The following NDFIP1 variants were observed in gnomAD, a reference collection of about 807,000 sequenced individuals.
NDFIP1 encodes Nedd4 family interacting protein 1.
NDFIP1 carries 7 observed loss-of-function variants against 28.8 expected under a neutral mutation model. The ratio of observed to expected loss-of-function variants is 0.24; its 90% CI spans 0.14 to 0.46. The LOEUF is 0.46. NDFIP1 is among the 20% of genes least tolerant of loss of function. NDFIP1 has a pLI of 0.99. For missense variants in NDFIP1, 194 were observed against 269.1 expected (o/e 0.72, Z 1.95); for synonymous variants, 92 against 101.0 (o/e 0.91, Z 0.53).
intron 7 of NDFIP1, among the ~76,000 whole-genome samples, chr5:142,145,558 A>G (rs1382576551): frequency 6.6e-5 from 10 of 152,068 alleles, no homozygotes; most frequent in Non-Finnish European, 1.3e-4. Flanking sequence ...ATTATAAAGG[A>G]TAGGTGGTGT....
At chr5:142,115,985 G>A (rs1757063324) in intron 1 of NDFIP1, among the ~76,000 whole-genome samples, 1 of 152,158 alleles carries the variant, frequency 6.6e-6, no homozygotes, top group African/African-American at 2.4e-5. Flanking sequence ...AGTACATGAG[G>A]TAGGTTATGT....
At chr5:142,129,598 C>T (rs1757205242) in intron 1 of NDFIP1, among the ~76,000 whole-genome samples, 1 of 152,044 alleles carries the variant, frequency 6.6e-6, no homozygotes, top group African/African-American at 2.4e-5. Flanking sequence ...TTTTGAACAG[C>T]ATAGTGAGTG....
rs1457608563 is a variant in NDFIP1, at chr5:142,153,426, A to G, written c.*1698A>G. On this transcript the variant is annotated 3_prime_UTR_variant, in exon 8 of 8. Transcript: ENST00000253814. Reference sequence around the variant, plus strand: ...AGGAAGTCGTTCAGGATATCAGTATATAATGCACAGAAGTGTGGGTTGTTT... The same window carrying G: ...AGGAAGTCGTTCAGGATATCAGTATGTAATGCACAGAAGTGTGGGTTGTTT... 1.1e-5 allele frequency: 5 copies of G among 457,050 alleles called. No homozygotes were observed. The highest frequency in any genetic ancestry group is 9.4e-5 in the Admixed American group (4 of 42,566). The allele number at this position is 457,050 out of a possible 1,614,324, so 28.3% of individuals were successfully genotyped here.
chr5:142,137,473 G>A (rs1757288436), intron 4 of NDFIP1, among the ~76,000 whole-genome samples: 1 of 152,200 alleles, frequency 6.6e-6, no homozygotes, highest in Non-Finnish European at 1.5e-5. Flanking sequence ...GTGAGCTATT[G>A]TGCTCAGCCT....
chr5:142,110,207 C>A (rs961713578), intron 1 of NDFIP1, among the ~76,000 whole-genome samples: 7 of 152,174 alleles, frequency 4.6e-5, no homozygotes, highest in African/African-American at 7.2e-5. Flanking sequence ...AATTTCACTT[C>A]TTGGTTTTAT....
intron 7 of NDFIP1, among the ~76,000 whole-genome samples, chr5:142,145,574 A>G (rs1196417429): frequency 6.6e-6 from 1 of 152,148 alleles, no homozygotes; most frequent in Non-Finnish European, 1.5e-5. Context: ...GGTGTAGTTC[A>G]GATAAACTTT....
Position 142,108,982 on chromosome 5 carries a change from TG to T in NDFIP1, c.10del (p.Ala4ArgfsTer66). On this transcript the variant is annotated frameshift_variant, in exon 1 of 8. Coordinates refer to ENST00000253814, the MANE Select transcript of NDFIP1 (RefSeq NM_030571.4). LOFTEE classifies it high-confidence loss of function. Reference protein sequence around the residue: MALALAALAAVEP... With the variant: MAXALAALAAVEP... ...CCTGCTGCCGGCTGCGCCATGGCGT[TG>T]GCGTTGGCGGCGCTGGCGGCGGTCG... 1 of 1,446,748 alleles carries T rather than the reference TG, an allele frequency of 6.9e-7. No individual in the cohort carries two copies. Among genetic ancestry groups the T allele is most frequent in the Non-Finnish European group, 9.1e-7 (1 of 1,103,200 alleles). 89.6% of individuals were successfully genotyped at this position (1,446,748 alleles called of 1,614,324 possible). A position where few individuals can be genotyped will look rare whatever the true frequency, so the allele number is the denominator to read the frequency against.
intron 1 of NDFIP1, among the ~76,000 whole-genome samples, chr5:142,115,625 T>G (rs1290574545): frequency 6.6e-6 from 1 of 152,222 alleles, no homozygotes; most frequent in Non-Finnish European, 1.5e-5. Context: ...AAAGCAACTT[T>G]AATACTTCTG....
At chr5:142,109,554 A>G (rs1010252460) in intron 1 of NDFIP1, among the ~76,000 whole-genome samples, 2 of 152,282 alleles carry the variant, frequency 1.3e-5, no homozygotes, top group Non-Finnish European at 2.9e-5. Flanking sequence ...AGACAAAAGT[A>G]AAAAATGAAG....
chr5:142,150,291 T>G (rs990759078), intron 7 of NDFIP1, among the ~76,000 whole-genome samples: 1 of 151,998 alleles, frequency 6.6e-6, no homozygotes, highest in Admixed American at 6.6e-5. Context: ...CTGCCAATTT[T>G]CTTTTTTGCT....
chr5:142,132,105 A>G (rs1757233786), intron 2 of NDFIP1, 107 bp from the exon 3 acceptor site: 2 of 1,327,298 alleles, frequency 1.5e-6, no homozygotes, highest in Admixed American at 2.4e-5. Context: ...ATTGTTATGT[A>G]TGTACTCTTA....
rs1004927324 is a variant in NDFIP1 at position 142,152,724 on chromosome 5, A to G, written c.*996A>G. 2 of 157,336 alleles carry G rather than the reference A, an allele frequency of 1.3e-5. No individual in the cohort carries two copies. Among genetic ancestry groups the G allele is most frequent in the African/African-American group, 2.4e-5 (1 of 41,472 alleles). 9.7% of individuals were successfully genotyped at this position (157,336 alleles called of 1,614,324 possible). A position where few individuals can be genotyped will look rare whatever the true frequency, so the allele number is the denominator to read the frequency against. On this transcript the variant is annotated 3_prime_UTR_variant, in exon 8 of 8. Coordinates refer to ENST00000253814, the MANE Select transcript of NDFIP1 (RefSeq NM_030571.4). ...AAGTGGTAATTCATCTTGGTTTGCTATGTTAAAACTGTAAATACAACAGAA... is the reference window on the plus strand; with the variant it reads ...AAGTGGTAATTCATCTTGGTTTGCTGTGTTAAAACTGTAAATACAACAGAA...
At chr5:142,132,467 C>A in intron 3 of NDFIP1, 125 bp downstream of exon 3, 1 of 1,231,880 alleles carries the variant, frequency 8.1e-7, no homozygotes, top group Non-Finnish European at 1.1e-6. Flanking sequence ...TTTTAAAAAT[C>A]AGGTACATTT....
chr5:142,136,755 CAAAAAAA>C (rs33932095), intron 4 of NDFIP1, among the ~76,000 whole-genome samples: 1 of 76,452 alleles, frequency 1.3e-5, no homozygotes. Context: ...GACTTCGTCT[CAAAAAAA>C]AAAAAAAAAA....
chr5:142,144,798 C>G, intron 7 of NDFIP1, 122 bp downstream of exon 7: 3 of 561,750 alleles, frequency 5.3e-6, no homozygotes, highest in Non-Finnish European at 9.4e-6. Flanking sequence ...AAGGCACAGT[C>G]CCTGCCTTTT....
chr5:142,135,657 A>G (rs1390383251), intron 3 of NDFIP1, 73 bp from the exon 4 acceptor site: 1 of 1,298,088 alleles, frequency 7.7e-7, no homozygotes, highest in Non-Finnish European at 1.1e-6. Context: ...TTTCCTTGCT[A>G]CTCAAATTTA....
chr5:142,132,490 A>G (rs901407334), intron 3 of NDFIP1, 148 bp downstream of exon 3: 28 of 1,008,532 alleles, frequency 2.8e-5, no homozygotes, highest in Non-Finnish European at 4.0e-5. Flanking sequence ...TTTTGGGATA[A>G]TAAACTCATC....
At chr5:142,142,940 A>AATATATATATATATATAT (rs1554092157) in intron 6 of NDFIP1, 19 of 38,138 alleles carry the variant, frequency 5.0e-4, no homozygotes, top group Admixed American at 8.0e-4. Context: ...AAAAAAAAAA[A>AATATATATATATATATAT]ATATATATAT....
Position 142,131,827 on chromosome 5 carries a change from C to G in NDFIP1, c.83C>G (p.Ser28Cys). ...ATTTAGTTGCAGAATGAAGAAGAGT[C>G]TGGAGAACCTGAACAGGCTGCAGGT... Reference protein sequence around the residue: ...RYQQLQNEEESGEPEQAAGDA... With the variant: ...RYQQLQNEEECGEPEQAAGDA... Residue 28 changes from serine to cysteine, a missense_variant, in exon 2 of 8, where the codon TCT becomes TGT. Ser to Cys is a moderately radical substitution (Grantham distance 112). Transcript: ENST00000253814. 1 of 1,591,586 alleles carries G rather than the reference C, an allele frequency of 6.3e-7. No individual in the cohort carries two copies. Among genetic ancestry groups the G allele is most frequent in the South Asian group, 1.2e-5 (1 of 86,600 alleles).
Sources: allele counts gnomAD v4.1 joint callset (sites outside exome capture counted in the v4.1 genomes callset), GRCh38; gene constraint gnomAD v4.1.1; transcripts MANE v1.5; gene names NCBI Gene and HGNC (gene_info 2026-07-23, HGNC 2026-07-21).